The following VWA5B2 variants were observed in gnomAD, a reference collection of about 807,000 sequenced individuals.
VWA5B2 encodes the protein von Willebrand factor A domain containing 5B2.
VWA5B2 carries 93 observed loss-of-function variants against 118.5 expected under a neutral mutation model. That is an observed-to-expected ratio of 0.79 (90% CI 0.66 to 0.93). VWA5B2 has a LOEUF of 0.93. Ranked by LOEUF, VWA5B2 falls within the 40% of genes least tolerant of loss-of-function variation. VWA5B2 has a pLI of 0.00. For synonymous variants in VWA5B2, 708 were observed against 716.3 expected, an observed-to-expected ratio of 0.99 and a Z score of 0.19; for missense variants, 1,546 against 1,672.8, an observed-to-expected ratio of 0.92 and a Z score of 1.32.
At position 184,236,494 on chromosome 3, in the gene VWA5B2, T is replaced by C; in HGVS notation, c.1364T>C (p.Met455Thr). 1 of 1,547,446 alleles carries C rather than the reference T, an allele frequency of 6.5e-7. No individual in the cohort carries two copies. The highest frequency in any genetic ancestry group is 8.7e-7 in the Non-Finnish European group (1 of 1,146,926). ...QLFLLTAASP[M>T]AATTHRTLEL... ...TTCCTGCTCACTGCTGCCTCACCCA[T>C]GGCCGCCACTACCCACCGAACCCTG... Residue 455 changes from methionine to threonine, a missense_variant, in exon 10 of 20, where the codon ATG becomes ACG. Coordinates refer to ENST00000691901, the MANE Select transcript of VWA5B2 (RefSeq NM_001390846.1).
Position 184,241,168 on chromosome 3 carries a change from C to G in VWA5B2, c.2963-19C>G, listed in dbSNP as rs1440008059. The stretch of plus-strand genomic sequence containing the variant: ...TGGGCTTAGAGACCGCCCCCTGGCA[C>G]TGATGATCCCCACTGCAGGACTTCA... On this transcript the variant is annotated intron_variant, in intron 18 of 19. Coordinates refer to ENST00000691901, the MANE Select transcript of VWA5B2 (RefSeq NM_001390846.1). This position sits in a 1 kb window ranked among gnomAD's most constrained non-coding sequence, Gnocchi z 5.1. The G allele has an allele frequency of 3.9e-6, 6 of 1,551,108 alleles. No homozygotes were observed. In the Admixed American group the frequency reaches 1.2e-4, roughly 30 times the overall value.
chr3:184,242,105 GGCCT>G lies in VWA5B2; in HGVS notation c.*68_*71del. The G allele has an allele frequency of 3.9e-6, 6 of 1,521,096 alleles. No homozygotes were observed. The highest frequency in any genetic ancestry group is 5.3e-6 in the Non-Finnish European group (6 of 1,134,852). 94.2% of individuals were successfully genotyped at this position (1,521,096 alleles called of 1,614,324 possible). A position where few individuals can be genotyped will look rare whatever the true frequency, so the allele number is the denominator to read the frequency against. On this transcript the variant is annotated 3_prime_UTR_variant, in exon 20 of 20. Coordinates refer to ENST00000691901, the MANE Select transcript of VWA5B2 (RefSeq NM_001390846.1). ...ACTCAAGTCACTGCCGCCCAGGGCT[GGCCT>G]CTTGGTGCTGGGAAAGTGTAGGCTG... is the stretch of plus-strand genomic sequence containing the variant.
In VWA5B2 at chr3:184,230,740, T is replaced by A; in HGVS notation, c.140-7T>A. The A allele has an allele frequency of 8.2e-7, 1 of 1,214,226 alleles. No individual in the cohort carries two copies. Among genetic ancestry groups the A allele is most frequent in the Non-Finnish European group, 1.0e-6 (1 of 977,508 alleles). The allele number at this position is 1,214,226 out of a possible 1,614,324, so 75.2% of individuals were successfully genotyped here. A position where few individuals can be genotyped will look rare whatever the true frequency, so the allele number is the denominator to read the frequency against. ...GGTCCGACGCCGCCTCCCGCCGCCC[T>A]CCCCAGGCGTGTTCGTGTACCCGCT... is the stretch of plus-strand genomic sequence containing the variant. On this transcript the variant is annotated splice_polypyrimidine_tract_variant and splice_region_variant and intron_variant, in intron 2 of 19. Coordinates refer to ENST00000691901, the MANE Select transcript of VWA5B2 (RefSeq NM_001390846.1).
Position 184,234,126 on chromosome 3 carries a change from C to T in VWA5B2, c.689-140C>T, listed in dbSNP as rs904447205. ...CTACTTCCCAGCCCATGAAAGCAGG[C>T]ACATCCTCCCTCGTCCATCTGACCC... is the stretch of plus-strand genomic sequence containing the variant. On this transcript the variant is annotated intron_variant, in intron 5 of 19. Coordinates refer to ENST00000691901, the MANE Select transcript of VWA5B2 (RefSeq NM_001390846.1). The T allele has an allele frequency of 5.4e-6, 6 of 1,118,686 alleles. No individual in the cohort carries two copies. The Middle Eastern group carries it at 9.3e-4, about 173-fold the overall frequency. The allele number at this position is 1,118,686 out of a possible 1,614,324, so 69.3% of individuals were successfully genotyped here.
At position 184,238,894 on chromosome 3, in the gene VWA5B2, A is replaced by G. The variant is rs1360930028; in HGVS notation, c.2202+21A>G. On this transcript the variant is annotated intron_variant, in intron 14 of 19. Transcript: ENST00000691901. The surrounding 1 kb of genome is among the most constrained non-coding windows in gnomAD (Gnocchi z 5.0). Reference sequence around the variant, plus strand: ...TCAAGGTGAGATCCAACCCACATTCATTCGCCTTGTATCCAGCAAATATTT... The same window carrying G: ...TCAAGGTGAGATCCAACCCACATTCGTTCGCCTTGTATCCAGCAAATATTT... 1 of 1,467,888 alleles carries G rather than the reference A, an allele frequency of 6.8e-7. No individual in the cohort carries two copies. Among genetic ancestry groups the G allele is most frequent in the South Asian group, 1.4e-5 (1 of 71,040 alleles). 90.9% of individuals were successfully genotyped at this position (1,467,888 alleles called of 1,614,324 possible).
At position 184,240,012 on chromosome 3, in the gene VWA5B2, G is replaced by C. The variant is rs977085734; in HGVS notation, c.2716G>C (p.Gly906Arg). Residue 906 changes from glycine to arginine, a missense_variant, in exon 16 of 20, where the codon GGG (glycine) becomes CGG (arginine). Physicochemically the swap from Gly to Arg is moderately radical, Grantham distance 125. Coordinates refer to ENST00000691901, the MANE Select transcript of VWA5B2 (RefSeq NM_001390846.1). ...CAATGAGCAGCTGGCCCTCCGAGGAGGGGCAGAGACCACAGCTGACCGGGG... is the reference window on the plus strand; with the variant it reads ...CAATGAGCAGCTGGCCCTCCGAGGACGGGCAGAGACCACAGCTGACCGGGG... ...RDNEQLALRG[G>R]AETTADRGHA... 4.5e-6 allele frequency: 7 copies of C among 1,547,218 alleles called. No individual in the cohort carries two copies. The highest frequency in any genetic ancestry group is 6.1e-6 in the Non-Finnish European group (7 of 1,145,408).
intron 11 of VWA5B2, 147 bp downstream of exon 11, chr3:184,236,896 G>T: frequency 1.3e-6 from 1 of 740,770 alleles, no homozygotes; most frequent in African/African-American, 1.8e-5. Context: ...GGGAAGAGCT[G>T]TTGGTGCTGT....
chr3:184,234,948 G>T, intron 7 of VWA5B2, 193 bp downstream of exon 7: 1 of 1,093,084 alleles, frequency 9.1e-7, no homozygotes, highest in Non-Finnish European at 1.3e-6. Context: ...TCTCTCTGGG[G>T]TGTGTCTCAG....
chr3:184,238,897 C>A lies in VWA5B2; in HGVS notation c.2202+24C>A. 1.4e-6 allele frequency: 2 copies of A among 1,458,516 alleles called. No individual in the cohort carries two copies. The highest frequency in any genetic ancestry group is 1.8e-6 in the Non-Finnish European group (2 of 1,099,478). The allele number at this position is 1,458,516 out of a possible 1,614,324, so 90.3% of individuals were successfully genotyped here. On this transcript the variant is annotated intron_variant, in intron 14 of 19. Transcript: ENST00000691901. The surrounding 1 kb of genome is among the most constrained non-coding windows in gnomAD (Gnocchi z 5.0). The stretch of plus-strand genomic sequence containing the variant: ...AGGTGAGATCCAACCCACATTCATT[C>A]GCCTTGTATCCAGCAAATATTTATT...
Position 184,241,434 on chromosome 3 carries a change from C to G in VWA5B2, c.3180+30C>G, listed in dbSNP as rs371662452. 4.0e-4 allele frequency: 632 copies of G among 1,570,702 alleles called. No homozygotes were observed. Among genetic ancestry groups the G allele is most frequent in the Non-Finnish European group, 4.8e-4 (551 of 1,156,714 alleles). On this transcript the variant is annotated intron_variant, in intron 19 of 19. Coordinates refer to ENST00000691901, the MANE Select transcript of VWA5B2 (RefSeq NM_001390846.1). This position sits in a 1 kb window ranked among gnomAD's most constrained non-coding sequence, Gnocchi z 5.1. ...GGACTCGGGAGGTGGAGGGTGGTGC[C>G]GCCGGGGCCGGGCGCTGTTTCAGCT...
intron 5 of VWA5B2, among the ~76,000 whole-genome samples, 191 bp from the exon 6 acceptor site, chr3:184,234,075 C>T (rs111333385): frequency 1.3e-5 from 2 of 152,180 alleles, no homozygotes; most frequent in African/African-American, 2.4e-5. Flanking sequence ...CATGACTCTT[C>T]GACCAGCCAG....
In VWA5B2 at chr3:184,234,638, T is replaced by A; in HGVS notation, c.828T>A (p.His276Gln). 2 of 1,551,260 alleles carry A rather than the reference T, an allele frequency of 1.3e-6. No homozygotes were observed. Among genetic ancestry groups the A allele is most frequent in the Non-Finnish European group, 1.7e-6 (2 of 1,146,942 alleles). ...LEILLHPSEP[H>Q]QPHLMLEGGS... ...TGTGTCCTCTCCTCTCAGAGCCCCA[T>A]CAGCCACACCTGATGCTGGAGGGCG... The change falls in exon 7 of 20, where the codon CAT becomes CAA. Residue 276 changes from histidine (H) to glutamine (Q), a missense_variant. Around this residue, in one of 3 missense-constraint regions of VWA5B2, gnomAD observed 775 missense variants for 882.3 expected, o/e 0.88. Coordinates refer to ENST00000691901, the MANE Select transcript of VWA5B2 (RefSeq NM_001390846.1).
intron 6 of VWA5B2, 67 bp from the exon 7 acceptor site, chr3:184,234,564 G>A: frequency 6.5e-7 from 1 of 1,535,528 alleles, no homozygotes; most frequent in Non-Finnish European, 8.8e-7. Context: ...CTCCTGGACA[G>A]TGAAACTGGG....
chr3:184,238,661 C>G lies in VWA5B2; in HGVS notation c.1990C>G (p.Gln664Glu). The G allele has an allele frequency of 6.4e-7, 1 of 1,551,610 alleles. No homozygotes were observed. Among genetic ancestry groups the G allele is most frequent in the Non-Finnish European group, 8.7e-7 (1 of 1,147,046 alleles). ...RIFQSSYIRE[Q>E]YVLTHCSASP... ...CTTTCAGTCCTCGTACATTCGGGAG[C>G]AGTATGTGCTCACCCACTGCTCTGC... Residue 664 changes from glutamine (Q) to glutamate (E), a missense_variant, in exon 14 of 20, where the codon CAG becomes GAG. Transcript: ENST00000691901. The surrounding 1 kb of genome is among the most constrained non-coding windows in gnomAD (Gnocchi z 5.0).
intron 8 of VWA5B2, among the ~76,000 whole-genome samples, chr3:184,235,936 C>T (rs1178107155): frequency 6.6e-6 from 1 of 151,754 alleles, no homozygotes; most frequent in African/African-American, 2.4e-5. Flanking sequence ...CTCCAGAGTC[C>T]CACACACAGT....
At position 184,236,668 on chromosome 3, in the gene VWA5B2, C is replaced by T. The variant is rs1234587569; in HGVS notation, c.1452C>T (p.Cys484=). 6.4e-7 allele frequency: 1 copy of T among 1,551,352 alleles called. No homozygotes were observed. The highest frequency in any genetic ancestry group is 2.4e-5 in the East Asian group (1 of 40,906). ...RCFSFGLGPT[C]HQLLQGLSAL... ...TCTCCTTTGGGCTGGGGCCCACCTGCCACCAGCTGCTCCAGGGTTTATCTG... is the reference window on the plus strand; with the variant it reads ...TCTCCTTTGGGCTGGGGCCCACCTGTCACCAGCTGCTCCAGGGTTTATCTG... Residue 484 remains cysteine, a synonymous_variant, in exon 11 of 20, where the codon TGC becomes TGT. Transcript: ENST00000691901.
Position 184,238,857 on chromosome 3 carries a change from C to T in VWA5B2, c.2186C>T (p.Thr729Ile). ...GSRSCPLPAPTPAPFKVGALS... is the reference protein window; with the variant it reads ...GSRSCPLPAPIPAPFKVGALS... ...CGCTCCTGTCCCCTGCCTGCACCCA[C>T]ACCAGCTCCATTCAAGGTGAGATCC... Residue 729 changes from threonine (T) to isoleucine (I), a missense_variant, in exon 14 of 20, where the codon ACA becomes ATA. Coordinates refer to ENST00000691901, the MANE Select transcript of VWA5B2 (RefSeq NM_001390846.1). The surrounding 1 kb of genome is among the most constrained non-coding windows in gnomAD (Gnocchi z 5.0). 1 of 1,504,736 alleles carries T rather than the reference C, an allele frequency of 6.6e-7. No individual in the cohort carries two copies. Among genetic ancestry groups the T allele is most frequent in the Non-Finnish European group, 8.9e-7 (1 of 1,118,348 alleles). 93.2% of individuals were successfully genotyped at this position (1,504,736 alleles called of 1,614,324 possible). A position where few individuals can be genotyped will look rare whatever the true frequency, so the allele number is the denominator to read the frequency against.
Position 184,240,812 on chromosome 3 carries a change from T to A in VWA5B2, c.2762T>A (p.Leu921His). 6.4e-7 allele frequency: 1 copy of A among 1,551,372 alleles called. No individual in the cohort carries two copies. The highest frequency in any genetic ancestry group is 8.7e-7 in the Non-Finnish European group (1 of 1,146,978). Residue 921 changes from leucine (L) to histidine (H), a missense_variant, in exon 17 of 20, where the codon CTT becomes CAT. Leu to His is a moderately conservative substitution (Grantham distance 99). Around this residue, in one of 3 missense-constraint regions of VWA5B2, gnomAD observed 763 missense variants for 766.6 expected, o/e 1.00. Coordinates refer to ENST00000691901, the MANE Select transcript of VWA5B2 (RefSeq NM_001390846.1). The part of the protein sequence containing the change: ...ADRGHARRCW[L>H]RALQTSKVSS... The stretch of plus-strand genomic sequence containing the variant: ...ACAGGCCATGCCCGGAGGTGCTGGC[T>A]TCGAGCCCTTCAGACAAGTAAGGTC...
Position 184,233,079 on chromosome 3 carries a change from C to CT in VWA5B2, c.311-97dup, listed in dbSNP as rs1419962192. The CT allele has an allele frequency of 8.8e-7, 1 of 1,129,956 alleles. No homozygotes were observed. Among genetic ancestry groups the CT allele is most frequent in the African/African-American group, 1.6e-5 (1 of 64,036 alleles). 70.0% of individuals were successfully genotyped at this position (1,129,956 alleles called of 1,614,324 possible). A position where few individuals can be genotyped will look rare whatever the true frequency, so the allele number is the denominator to read the frequency against. ...CCTAGTGCCAACACGCAAAGTCCCC[C>CT]TTGCCCAGGCTCCCTGACCCAATGC... On this transcript the variant is annotated intron_variant, in intron 3 of 19. Coordinates refer to ENST00000691901, the MANE Select transcript of VWA5B2 (RefSeq NM_001390846.1). This position sits in a 1 kb window ranked among gnomAD's most constrained non-coding sequence, Gnocchi z 5.2.
Sources: gnomAD v4.1 joint callset for allele counts (sites outside exome capture counted in the v4.1 genomes callset) on GRCh38, gnomAD v4.1.1 for gene constraint, gnomAD v4.1.1 regional missense constraint, Gnocchi (gnomAD v3.1) non-coding constraint, MANE v1.5 for transcripts, NCBI Gene and HGNC (gene_info 2026-07-23, HGNC 2026-07-21) for gene names.